The following KLF15 variants were observed in gnomAD, a reference collection of about 807,000 sequenced individuals.
KLF15 encodes the protein Krueppel-like factor 15.
In KLF15, 4 loss-of-function variants were observed where a neutral mutation model predicts 24.6. The ratio of observed to expected loss-of-function variants is 0.16; its 90% CI spans 0.08 to 0.37. The LOEUF is 0.37. Ranked by LOEUF, KLF15 falls within the 10% of genes least tolerant of loss-of-function variation. KLF15 has a pLI of 1.00. For missense variants in KLF15, 496 were observed against 560.6 expected (o/e 0.88, Z 1.16); for synonymous variants, 246 against 236.3 (o/e 1.04, Z -0.37).
At chr3:126,341,230 G>A (rs1219997898), downstream of KLF15, among the ~76,000 whole-genome samples, 2 of 152,130 alleles carry the variant, frequency 1.3e-5, no homozygotes, top group Non-Finnish European at 2.9e-5. Flanking sequence ...CCAGACTGAG[G>A]AGACCACTAA....
downstream of KLF15, among the ~76,000 whole-genome samples, chr3:126,341,084 C>T (rs1028874030): frequency 3.9e-5 from 6 of 152,292 alleles, no homozygotes; most frequent in African/African-American, 1.2e-4. Context: ...ACAGGCAGTG[C>T]GGCCCCATTA....
chr3:126,324,721 A>G, the KLF15 span, among the ~76,000 whole-genome samples: 2 of 135,366 alleles, frequency 1.5e-5, no homozygotes, highest in South Asian at 4.8e-4. Context: ...CTGAAAGCAT[A>G]TCATGTCCAT....
the KLF15 span, chr3:126,291,081 T>C: frequency 6.6e-6 from 1 of 152,186 alleles, no homozygotes; most frequent in Admixed American, 6.5e-5. Context: ...GGAGGAAAAG[T>C]CACGTGTGAC....
At chr3:126,298,397 G>A in the KLF15 span, among the ~76,000 whole-genome samples, 1 of 148,262 alleles carries the variant, frequency 6.7e-6, no homozygotes, top group South Asian at 2.1e-4. Context: ...CTCCCACTTT[G>A]CGGGTTGTCT....
chr3:126,348,831 A>C (rs1206975001), intron 2 of KLF15, among the ~76,000 whole-genome samples: 1 of 152,198 alleles, frequency 6.6e-6, no homozygotes. Context: ...AAGCTTGAAT[A>C]GAAACTGAAG....
chr3:126,316,439 T>TGAGTGGGGAAGGGATACGATGGGCCG, the KLF15 span, among the ~76,000 whole-genome samples: 1 of 118,498 alleles, frequency 8.4e-6, no homozygotes, highest in Non-Finnish European at 1.7e-5. Flanking sequence ...TGCATGGGCC[T>TGAGTGGGGAAGGGATACGATGGGCCG]GAGTGGGGAA....
At chr3:126,344,995 C>T (rs1392108964) in intron 2 of KLF15, among the ~76,000 whole-genome samples, 1 of 152,172 alleles carries the variant, frequency 6.6e-6, no homozygotes, top group Non-Finnish European at 1.5e-5. Flanking sequence ...CCCACCTACC[C>T]CTCCCACGAC....
the KLF15 span, among the ~76,000 whole-genome samples, chr3:126,305,671 C>T: frequency 3.3e-5 from 5 of 152,162 alleles, no homozygotes; most frequent in Admixed American, 1.3e-4. Context: ...CTTTTCTAGC[C>T]TCTGGTGTGG....
the KLF15 span, among the ~76,000 whole-genome samples, chr3:126,304,234 ATCATT>A: frequency 1.3e-5 from 2 of 152,190 alleles, no homozygotes; most frequent in Non-Finnish European, 2.9e-5. Context: ...AAGCAGTTTG[ATCATT>A]TCAAGTATCA....
the KLF15 span, among the ~76,000 whole-genome samples, chr3:126,321,621 G>A: frequency 1.3e-5 from 2 of 152,238 alleles, no homozygotes; most frequent in Admixed American, 6.5e-5. Context: ...CAGAACCCTG[G>A]AGGCCCCCTG....
chr3:126,329,853 T>A, the KLF15 span, among the ~76,000 whole-genome samples: 2 of 137,810 alleles, frequency 1.5e-5, no homozygotes, highest in East Asian at 2.1e-4. Flanking sequence ...TTTTTTTTTT[T>A]ACCAATTTCC....
chr3:126,307,425 T>G, the KLF15 span, among the ~76,000 whole-genome samples: 3 of 152,198 alleles, frequency 2.0e-5, no homozygotes, highest in African/African-American at 7.2e-5. Flanking sequence ...GGACAAAGAC[T>G]GTGCAACAGG....
the KLF15 span, among the ~76,000 whole-genome samples, chr3:126,322,791 G>A: frequency 6.6e-6 from 1 of 152,132 alleles, no homozygotes; most frequent in Non-Finnish European, 1.5e-5. Context: ...TGGGAGCTAG[G>A]TTTGCACAAC....
the KLF15 span, among the ~76,000 whole-genome samples, chr3:126,312,146 T>C: frequency 3.3e-5 from 5 of 152,156 alleles, no homozygotes; most frequent in African/African-American, 1.2e-4. Context: ...CTGTCAGAGC[T>C]CATGTGGAAG....
chr3:126,351,096 T>G (rs2082578881), intron 2 of KLF15, among the ~76,000 whole-genome samples: 1 of 152,230 alleles, frequency 6.6e-6, no homozygotes, highest in African/African-American at 2.4e-5. Context: ...GGGTGCTCCC[T>G]GGTTGGGAGA....
At chr3:126,291,534 C>T in the KLF15 span, among the ~76,000 whole-genome samples, 1 of 152,250 alleles carries the variant, frequency 6.6e-6, no homozygotes, top group Non-Finnish European at 1.5e-5. Context: ...AAGACTTTGG[C>T]TGGTCAATAA....
chr3:126,289,007 C>T, the KLF15 span: 1 of 152,078 alleles, frequency 6.6e-6, no homozygotes, highest in Non-Finnish European at 1.5e-5. Context: ...CAGTAATTCA[C>T]ACAGAAAATC....
At chr3:126,323,406 TATATATATATA>T in the KLF15 span, among the ~76,000 whole-genome samples, 10 of 22,132 alleles carry the variant, frequency 4.5e-4, no homozygotes, top group Non-Finnish European at 1.4e-4. Context: ...CCAGTAGTTA[TATATATATATA>T]TATATATATA....
chr3:126,327,491 T>C, the KLF15 span, among the ~76,000 whole-genome samples: 1 of 152,038 alleles, frequency 6.6e-6, no homozygotes, highest in Non-Finnish European at 1.5e-5. Flanking sequence ...AGATCATGGG[T>C]GCTGTGGGCC....
Sources: allele counts gnomAD v4.1 joint callset (sites outside exome capture counted in the v4.1 genomes callset), GRCh38; gene constraint gnomAD v4.1.1; transcripts MANE v1.5; gene names NCBI Gene and HGNC (gene_info 2026-07-23, HGNC 2026-07-21).